The following CFAP119 variants were observed in gnomAD, a reference collection of about 807,000 sequenced individuals.
CFAP119 encodes cilia- and flagella-associated protein 119.
At chr16:30,757,507 G>A in the CFAP119 span, 1 of 1,614,042 alleles carries the variant, frequency 6.2e-7, no homozygotes, top group Admixed American at 1.7e-5. Flanking sequence ...TTTACCCGGA[G>A]GTAGCTGGAA....
At chr16:30,760,883 C>G in the CFAP119 span, 1 of 620,954 alleles carries the variant, frequency 1.6e-6, no homozygotes, top group East Asian at 2.7e-5. Context: ...ATCTTGAATT[C>G]TTTTTTCTGC....
the CFAP119 span, chr16:30,757,457 T>A: frequency 1.1e-5 from 17 of 1,608,070 alleles, no homozygotes; most frequent in Non-Finnish European, 1.1e-5. Flanking sequence ...CAGACCTTTA[T>A]TGGGGAAAAT....
the CFAP119 span, chr16:30,761,674 C>T: frequency 1.3e-6 from 2 of 1,535,912 alleles, no homozygotes; most frequent in Non-Finnish European, 1.7e-6. Flanking sequence ...CCGCTTCCCG[C>T]CGCAGCTCGG....
the CFAP119 span, chr16:30,757,523 G>A: frequency 9.9e-6 from 16 of 1,614,082 alleles, no homozygotes; most frequent in East Asian, 2.2e-5. Flanking sequence ...TGGAAGGGCC[G>A]CTCTAGTGCA....
chr16:30,759,130 G>A, the CFAP119 span: 35 of 1,614,184 alleles, frequency 2.2e-5, no homozygotes, highest in South Asian at 3.6e-4. Context: ...AAGAGACTGT[G>A]GCCCCAGGCC....
chr16:30,760,003 GAAGCAAGAGCTATTAAACATTCTA>G, the CFAP119 span: 2 of 1,468,442 alleles, frequency 1.4e-6, no homozygotes, highest in Non-Finnish European at 1.8e-6. Context: ...TAAACATTCT[GAAGCAAGAGCTATTAAACATTCTA>G]AAGCAGGTGT....
chr16:30,760,155 G>C, the CFAP119 span: 1 of 1,582,440 alleles, frequency 6.3e-7, no homozygotes, highest in East Asian at 2.3e-5. Context: ...GATGGCTTGT[G>C]TATGATGATG....
the CFAP119 span, chr16:30,760,366 A>T: frequency 6.2e-7 from 1 of 1,614,168 alleles, no homozygotes; most frequent in Non-Finnish European, 8.5e-7. Context: ...GGCGGCAGAA[A>T]ATGAGCGCGT....
the CFAP119 span, chr16:30,759,795 G>C: frequency 6.5e-7 from 1 of 1,535,342 alleles, no homozygotes; most frequent in Non-Finnish European, 8.7e-7. Context: ...CTCAACAGCT[G>C]TTTATGACCA....
chr16:30,759,151 C>T, the CFAP119 span: 1 of 1,614,212 alleles, frequency 6.2e-7, no homozygotes, highest in Admixed American at 1.7e-5. Context: ...TGGCCCAGCC[C>T]AGCCCTGCCC....
chr16:30,759,899 A>G, the CFAP119 span: 17 of 1,442,646 alleles, frequency 1.2e-5, no homozygotes, highest in South Asian at 1.5e-5. Flanking sequence ...TGCCCACTGT[A>G]TGGTTTTCGG....
At chr16:30,758,879 C>T in the CFAP119 span, 3 of 1,448,298 alleles carry the variant, frequency 2.1e-6, no homozygotes, top group Non-Finnish European at 2.8e-6. Flanking sequence ...TCATCTTGGA[C>T]TTCTGCATAA....
chr16:30,759,960 G>A, the CFAP119 span: 57 of 1,447,958 alleles, frequency 3.9e-5, no homozygotes, highest in Admixed American at 8.1e-5. Flanking sequence ...ATATTCTAGG[G>A]GAATAAACCA....
chr16:30,760,662 G>GTAC, the CFAP119 span: 6 of 1,544,858 alleles, frequency 3.9e-6, no homozygotes, highest in Non-Finnish European at 5.2e-6. Flanking sequence ...GGACGTCCAG[G>GTAC]TACTTCCTGT....
the CFAP119 span, chr16:30,759,455 G>A: frequency 6.2e-7 from 1 of 1,614,232 alleles, no homozygotes; most frequent in South Asian, 1.1e-5. Flanking sequence ...CTGAAAGGAG[G>A]CCGCTGTGGT....
chr16:30,761,903 G>C, the CFAP119 span: 1 of 742,636 alleles, frequency 1.3e-6, no homozygotes, highest in Non-Finnish European at 2.1e-6. Flanking sequence ...ATCCGTGGGG[G>C]CGTCTCCCTC....
the CFAP119 span, chr16:30,760,603 T>C: frequency 3.8e-6 from 6 of 1,558,872 alleles, no homozygotes; most frequent in Non-Finnish European, 5.2e-6. Flanking sequence ...CCTCAGTCCC[T>C]ACTCCCTCAT....
the CFAP119 span, chr16:30,760,466 AGAG>A: frequency 3.3e-5 from 54 of 1,613,430 alleles, no homozygotes; most frequent in Non-Finnish European, 4.3e-5. Flanking sequence ...TGGGAGGGAG[AGAG>A]GAGTGAGTGA....
the CFAP119 span, chr16:30,757,781 T>A: frequency 7.0e-7 from 1 of 1,434,234 alleles, no homozygotes; most frequent in Non-Finnish European, 9.1e-7. Flanking sequence ...CAATGTTGTT[T>A]CCCTTTAGGA....
Sources: allele counts gnomAD v4.1 joint callset, GRCh38; gene constraint gnomAD v4.1.1; transcripts MANE v1.5; gene names NCBI Gene and HGNC (gene_info 2026-07-23, HGNC 2026-07-21).